Variants in RAB27B observed in about 807,000 individuals in gnomAD.
RAB27B encodes ras-related protein Rab-27B.
A neutral mutation model predicts 24.6 loss-of-function variants in RAB27B; 15 were observed. The ratio of observed to expected loss-of-function variants is 0.61; its 90% CI spans 0.41 to 0.94. The LOEUF (loss-of-function observed/expected upper bound fraction) is 0.94, where lower values mean the gene tolerates loss of function less well. RAB27B is among the 40% of genes least tolerant of loss of function. The pLI is 0.00. For missense variants in RAB27B, 261 were observed against 266.8 expected (o/e 0.98, Z 0.15); for synonymous variants, 105 against 92.5 (o/e 1.14, Z -0.78).
At chr18:54,793,173 C>T (rs536918619) in intron 2 of RAB27B, among the ~76,000 whole-genome samples, 2 of 151,930 alleles carry the variant, frequency 1.3e-5, no homozygotes, top group South Asian at 4.2e-4. Flanking sequence ...GAGACTATCT[C>T]AGTTCCTGAT....
intron 1 of RAB27B, among the ~76,000 whole-genome samples, chr18:54,861,331 G>A (rs1018400293): frequency 2.6e-5 from 4 of 152,142 alleles, no homozygotes; most frequent in African/African-American, 4.8e-5. Context: ...TTTAGGAGTA[G>A]AAACTTCAAT....
chr18:54,863,894 A>T (rs1452899032), intron 1 of RAB27B, among the ~76,000 whole-genome samples: 1 of 152,198 alleles, frequency 6.6e-6, no homozygotes, highest in Non-Finnish European at 1.5e-5. Flanking sequence ...TACATGCCAC[A>T]TTTTGTTTAC....
At chr18:54,791,746 G>A (rs1568067178) in intron 2 of RAB27B, among the ~76,000 whole-genome samples, 1 of 152,202 alleles carries the variant, frequency 6.6e-6, no homozygotes, top group Non-Finnish European at 1.5e-5. Flanking sequence ...GCGGCCAGAC[G>A]TCAAGAGGAG....
At chr18:54,751,667 A>G (rs1383440085) in intron 2 of RAB27B, among the ~76,000 whole-genome samples, 4 of 152,198 alleles carry the variant, frequency 2.6e-5, no homozygotes, top group East Asian at 1.9e-4. Flanking sequence ...CATGGACTCT[A>G]TTTCTCTGAG....
intron 2 of RAB27B, among the ~76,000 whole-genome samples, chr18:54,720,165 G>A (rs1394660116): frequency 1.3e-5 from 2 of 151,988 alleles, no homozygotes; most frequent in African/African-American, 4.8e-5. Flanking sequence ...GCAAACAAAT[G>A]GGACTTAAGC....
chr18:54,754,845 C>G (rs1907952417), intron 2 of RAB27B, among the ~76,000 whole-genome samples: 2 of 152,100 alleles, frequency 1.3e-5, no homozygotes, highest in Admixed American at 1.3e-4. Context: ...TAAATTGTTT[C>G]CTGAGTTGTA....
chr18:54,727,457 G>A (rs1248574338), intron 2 of RAB27B, among the ~76,000 whole-genome samples: 1 of 152,146 alleles, frequency 6.6e-6, no homozygotes, highest in East Asian at 1.9e-4. Flanking sequence ...GATTTCCTTA[G>A]TGGGTGAATA....
chr18:54,813,615 C>G (rs1910034525), intron 2 of RAB27B, among the ~76,000 whole-genome samples: 1 of 152,200 alleles, frequency 6.6e-6, no homozygotes, highest in African/African-American at 2.4e-5. Context: ...TTCCCAAGGC[C>G]TTGCCAGAAG....
At chr18:54,859,563 C>A (rs985326044) in intron 1 of RAB27B, among the ~76,000 whole-genome samples, 2 of 151,722 alleles carry the variant, frequency 1.3e-5, no homozygotes, top group African/African-American at 4.8e-5. Context: ...GTTGTCAGAA[C>A]CTTAGCAGGC....
At chr18:54,814,669 T>C (rs1191266725) in intron 2 of RAB27B, among the ~76,000 whole-genome samples, 1 of 152,208 alleles carries the variant, frequency 6.6e-6, no homozygotes, top group South Asian at 2.1e-4. Flanking sequence ...GCATATATTT[T>C]TATCTTCCCA....
At chr18:54,854,930 G>A (rs938763863) in intron 1 of RAB27B, among the ~76,000 whole-genome samples, 4 of 152,160 alleles carry the variant, frequency 2.6e-5, no homozygotes, top group South Asian at 2.1e-4. Context: ...GGATGGTTTC[G>A]GGATGATTCA....
At chr18:54,745,210 T>C in intron 2 of RAB27B, 1 of 182,724 alleles carries the variant, frequency 5.5e-6, no homozygotes, top group Non-Finnish European at 1.2e-5. Flanking sequence ...GTGTGGACAT[T>C]GCCATCCCAT....
At chr18:54,871,596 T>A (rs1409960104) in intron 1 of RAB27B, among the ~76,000 whole-genome samples, 1 of 152,102 alleles carries the variant, frequency 6.6e-6, no homozygotes, top group Non-Finnish European at 1.5e-5. Flanking sequence ...TTCCGAAGTG[T>A]CTTAAGAATA....
At chr18:54,763,402 C>T (rs959102344) in intron 2 of RAB27B, among the ~76,000 whole-genome samples, 2 of 151,892 alleles carry the variant, frequency 1.3e-5, no homozygotes, top group African/African-American at 4.8e-5. Context: ...CTATAGAGCC[C>T]AGGGAGGGAG....
intron 1 of RAB27B, among the ~76,000 whole-genome samples, chr18:54,874,562 TAAA>T (rs11331217): frequency 2.4e-4 from 34 of 143,270 alleles, no homozygotes; most frequent in African/African-American, 5.2e-4. Flanking sequence ...ACACATTTGC[TAAA>T]AAAAAAAAAA....
intron 2 of RAB27B, among the ~76,000 whole-genome samples, chr18:54,801,052 G>A (rs568902511): frequency 9.6e-6 from 1 of 104,240 alleles, no homozygotes; most frequent in Non-Finnish European, 1.8e-5. Flanking sequence ...TTGCTCTGTT[G>A]CCCAGGCTGG....
intron 1 of RAB27B, among the ~76,000 whole-genome samples, chr18:54,857,696 T>C (rs986439770): frequency 2.7e-5 from 4 of 150,798 alleles, no homozygotes; most frequent in African/African-American, 9.8e-5. Context: ...GTGTGTGCAT[T>C]CATGTGTGCA....
At chr18:54,853,963 C>A (rs1911685058) in intron 1 of RAB27B, among the ~76,000 whole-genome samples, 1 of 152,120 alleles carries the variant, frequency 6.6e-6, no homozygotes, top group Non-Finnish European at 1.5e-5. Flanking sequence ...GTCTTTATAA[C>A]TTCCAGATGA....
At chr18:54,795,561 T>C (rs1909389791) in intron 2 of RAB27B, among the ~76,000 whole-genome samples, 1 of 152,120 alleles carries the variant, frequency 6.6e-6, no homozygotes, top group Non-Finnish European at 1.5e-5. Flanking sequence ...TAGGAAGCAA[T>C]CATGATGAAT....
Sources: gnomAD v4.1 joint callset for allele counts (sites outside exome capture counted in the v4.1 genomes callset) on GRCh38, gnomAD v4.1.1 for gene constraint, MANE v1.5 for transcripts, NCBI Gene and HGNC (gene_info 2026-07-23, HGNC 2026-07-21) for gene names.